FTCDNL1: variants seen among roughly 807,000 people sequenced by gnomAD.
The protein encoded by FTCDNL1 is formiminotransferase cyclodeaminase N-terminal like, also known as formiminotransferase N-terminal subdomain-containing protein.
A neutral mutation model predicts 5.9 loss-of-function variants in FTCDNL1; 11 were observed. The ratio of observed to expected loss-of-function variants is 1.87; its 90% CI spans 1.18 to 3.10. FTCDNL1 has a LOEUF of 3.10. Ranked by LOEUF, FTCDNL1 falls within the 30% of genes most tolerant of loss-of-function variation. The probability of loss-of-function intolerance (pLI) is 0.00; values close to 1 mark genes in which losing one functional copy is unlikely to be tolerated. For synonymous variants in FTCDNL1, 58 were observed against 24.8 expected (o/e 2.34, Z -3.99); for missense variants, 115 against 65.5 (o/e 1.76, Z -2.61).
At chr2:199,750,177 G>T in the FTCDNL1 span, among the ~76,000 whole-genome samples, 2 of 151,446 alleles carry the variant, frequency 1.3e-5, no homozygotes, top group Non-Finnish European at 2.9e-5. Flanking sequence ...AACATGGCAA[G>T]ATCCCCTCTC....
At chr2:199,731,962 T>G in the FTCDNL1 span, among the ~76,000 whole-genome samples, 1 of 152,176 alleles carries the variant, frequency 6.6e-6, no homozygotes, top group Non-Finnish European at 1.5e-5. Context: ...ACTGTTACAC[T>G]GTTTCTTAAA....
intron 3 of FTCDNL1, among the ~76,000 whole-genome samples, chr2:199,795,317 A>G (rs1231330464): frequency 1.3e-5 from 2 of 152,158 alleles, no homozygotes; most frequent in African/African-American, 4.8e-5. Context: ...GAGAGGAGTT[A>G]TTGCAGGTTT....
chr2:199,778,894 C>G (rs79053116), intron 3 of FTCDNL1, among the ~76,000 whole-genome samples: 2,889 of 152,188 alleles, frequency 0.019, 81 homozygotes, highest in African/African-American at 0.065. Flanking sequence ...CTATAAAGCG[C>G]ATGAGTAATA....
chr2:199,704,353 A>G, the FTCDNL1 span, among the ~76,000 whole-genome samples: 1 of 152,212 alleles, frequency 6.6e-6, no homozygotes. Flanking sequence ...AGATCCTAGC[A>G]TACTACCCTA....
the FTCDNL1 span, among the ~76,000 whole-genome samples, chr2:199,673,801 C>T: frequency 6.6e-6 from 1 of 151,358 alleles, no homozygotes; most frequent in Admixed American, 6.7e-5. Flanking sequence ...TGCCATAAAC[C>T]ATATTGTTAA....
chr2:199,815,395 G>T (rs1344673370), intron 4 of FTCDNL1, among the ~76,000 whole-genome samples: 1 of 152,066 alleles, frequency 6.6e-6, no homozygotes, highest in African/African-American at 2.4e-5. Context: ...AAATTAATTT[G>T]TCCTGGATTG....
chr2:199,766,151 A>G (rs2106265220), intron 3 of FTCDNL1, among the ~76,000 whole-genome samples: 1 of 152,354 alleles, frequency 6.6e-6, no homozygotes. Flanking sequence ...AGTGCTCTCA[A>G]TGCAATAAAG....
intron 4 of FTCDNL1, among the ~76,000 whole-genome samples, chr2:199,814,473 A>G (rs1170498529): frequency 6.6e-6 from 1 of 152,194 alleles, no homozygotes; most frequent in Non-Finnish European, 1.5e-5. Flanking sequence ...ACCTCATTCT[A>G]TTGCCTTTAA....
chr2:199,748,191 A>T, the FTCDNL1 span, among the ~76,000 whole-genome samples: 24 of 152,350 alleles, frequency 1.6e-4, no homozygotes, highest in African/African-American at 5.8e-4. Context: ...TCCATATAAG[A>T]AAAGGAAACT....
At chr2:199,690,409 T>C in the FTCDNL1 span, among the ~76,000 whole-genome samples, 1 of 152,186 alleles carries the variant, frequency 6.6e-6, no homozygotes, top group Non-Finnish European at 1.5e-5. Flanking sequence ...CCTAGGCCCG[T>C]TCCATTCACT....
At chr2:199,763,087 A>G (rs1315310968) in intron 3 of FTCDNL1, among the ~76,000 whole-genome samples, 1 of 152,244 alleles carries the variant, frequency 6.6e-6, no homozygotes, top group African/African-American at 2.4e-5. Context: ...GTTCTAAGTA[A>G]CAACACATTA....
chr2:199,833,857 A>G (rs1702536243), intron 3 of FTCDNL1, among the ~76,000 whole-genome samples: 1 of 152,154 alleles, frequency 6.6e-6, no homozygotes, highest in Non-Finnish European at 1.5e-5. Flanking sequence ...CACCTTTCAG[A>G]TAACGACCAT....
At chr2:199,789,725 TA>T (rs1326188476) in intron 3 of FTCDNL1, among the ~76,000 whole-genome samples, 2 of 152,054 alleles carry the variant, frequency 1.3e-5, no homozygotes, top group African/African-American at 4.8e-5. Context: ...AATTCAAGTT[TA>T]AAAAATAAAA....
intron 3 of FTCDNL1, among the ~76,000 whole-genome samples, chr2:199,798,141 CTTA>C (rs762569255): frequency 6.6e-6 from 1 of 152,172 alleles, no homozygotes; most frequent in Non-Finnish European, 1.5e-5. Flanking sequence ...TTAACTGTCC[CTTA>C]TAAATGTAAC....
chr2:199,710,901 C>T, the FTCDNL1 span, among the ~76,000 whole-genome samples: 2 of 151,996 alleles, frequency 1.3e-5, no homozygotes, highest in Admixed American at 6.6e-5. Context: ...CAATAATGAC[C>T]TTACAATAAG....
At chr2:199,742,340 G>A in the FTCDNL1 span, among the ~76,000 whole-genome samples, 1 of 152,052 alleles carries the variant, frequency 6.6e-6, no homozygotes, top group African/African-American at 2.4e-5. Context: ...TGGGGTGGGG[G>A]GAATTCCTCT....
At chr2:199,726,450 T>G in the FTCDNL1 span, among the ~76,000 whole-genome samples, 1 of 152,168 alleles carries the variant, frequency 6.6e-6, no homozygotes. Flanking sequence ...GTTGCAATCA[T>G]TTGGAGGAGA....
chr2:199,768,364 C>A (rs566988911), intron 3 of FTCDNL1, among the ~76,000 whole-genome samples: 1 of 152,038 alleles, frequency 6.6e-6, no homozygotes, highest in Non-Finnish European at 1.5e-5. Context: ...AAAGGGGCAA[C>A]AAGGAGTAAA....
intron 3 of FTCDNL1, among the ~76,000 whole-genome samples, chr2:199,777,486 A>G (rs1395180158): frequency 2.0e-5 from 3 of 152,152 alleles, no homozygotes; most frequent in South Asian, 2.1e-4. Flanking sequence ...TTTTTCTATT[A>G]AAGTCTTCAA....
Sources: allele counts gnomAD v4.1 joint callset (sites outside exome capture counted in the v4.1 genomes callset), GRCh38; gene constraint gnomAD v4.1.1; transcripts MANE v1.5; gene names NCBI Gene and HGNC (gene_info 2026-07-23, HGNC 2026-07-21).